PPP3CC: variants seen among roughly 807,000 people sequenced by gnomAD.
The protein encoded by PPP3CC is serine/threonine-protein phosphatase 2B catalytic subunit gamma isoform.
In PPP3CC, 35 loss-of-function variants were observed where a neutral mutation model predicts 60.3. The observed-to-expected ratio is 0.58, with a 90% CI of 0.44 to 0.77. The LOEUF (loss-of-function observed/expected upper bound fraction) is 0.77, where lower values mean the gene tolerates loss of function less well. Among genes scored for constraint, PPP3CC ranks in the 30% least tolerant of loss-of-function variants. The probability of loss-of-function intolerance (pLI) is 0.00; values close to 1 mark genes in which losing one functional copy is unlikely to be tolerated. For missense variants in PPP3CC, 570 were observed against 628.9 expected (o/e 0.91, Z 1.00); for synonymous variants, 206 against 224.3 (o/e 0.92, Z 0.73).
intron 4 of PPP3CC, among the ~76,000 whole-genome samples, chr8:22,504,673 A>G (rs1838858782): frequency 6.6e-6 from 1 of 152,038 alleles, no homozygotes; most frequent in Non-Finnish European, 1.5e-5. Context: ...AGAAAGCAAG[A>G]AACATAGTGC....
At chr8:22,498,751 A>G (rs1838667476) in intron 4 of PPP3CC, among the ~76,000 whole-genome samples, 1 of 152,244 alleles carries the variant, frequency 6.6e-6, no homozygotes, top group Non-Finnish European at 1.5e-5. Context: ...TATGTAGCCA[A>G]TTTAGTAACA....
chr8:22,533,589 C>T (rs1461724968), intron 12 of PPP3CC, among the ~76,000 whole-genome samples: 1 of 152,152 alleles, frequency 6.6e-6, no homozygotes. Context: ...CTTTGGGAGG[C>T]CGAGGCGGGC....
chr8:22,443,909 T>C (rs1228934944), intron 1 of PPP3CC, among the ~76,000 whole-genome samples: 8 of 152,342 alleles, frequency 5.3e-5, no homozygotes, highest in African/African-American at 1.7e-4. Flanking sequence ...TAGTCACAGC[T>C]GTCTGCATTT....
intron 3 of PPP3CC, among the ~76,000 whole-genome samples, chr8:22,478,551 C>G (rs907402050): frequency 1.3e-5 from 2 of 152,178 alleles, no homozygotes; most frequent in African/African-American, 4.8e-5. Context: ...TTAATACATT[C>G]AATAAAGCAC....
At chr8:22,525,542 C>CTTT (rs1491096135) in intron 8 of PPP3CC, among the ~76,000 whole-genome samples, 6 of 54,968 alleles carry the variant, frequency 1.1e-4, no homozygotes, top group South Asian at 6.2e-4. Flanking sequence ...TTCTTTCTCT[C>CTTT]CCTCTCTCTC....
At chr8:22,457,138 T>C (rs1279933299) in intron 1 of PPP3CC, among the ~76,000 whole-genome samples, 1 of 148,170 alleles carries the variant, frequency 6.7e-6, no homozygotes, top group Admixed American at 6.8e-5. Context: ...TATTCTGTAA[T>C]ATTGAAATAT....
intron 3 of PPP3CC, among the ~76,000 whole-genome samples, chr8:22,490,717 C>T (rs567670097): frequency 3.1e-4 from 46 of 149,266 alleles, no homozygotes; most frequent in African/African-American, 1.1e-3. Flanking sequence ...GTTTTTTTGT[C>T]CTTGCGATAG....
At chr8:22,530,185 G>A (rs945825950) in intron 10 of PPP3CC, among the ~76,000 whole-genome samples, 4 of 152,206 alleles carry the variant, frequency 2.6e-5, no homozygotes, top group African/African-American at 7.2e-5. Context: ...TGGTATAGGA[G>A]ATGACTACAA....
At chr8:22,459,348 G>A (rs952813684) in intron 1 of PPP3CC, among the ~76,000 whole-genome samples, 4 of 152,044 alleles carry the variant, frequency 2.6e-5, no homozygotes, top group Admixed American at 2.0e-4. Flanking sequence ...GTTATAATTT[G>A]TAACTAACAA....
chr8:22,528,839 G>A (rs1839629882), intron 10 of PPP3CC, among the ~76,000 whole-genome samples: 1 of 152,252 alleles, frequency 6.6e-6, no homozygotes, highest in Non-Finnish European at 1.5e-5. Context: ...GCTTTCCTCT[G>A]TAGTACACTA....
At chr8:22,510,435 A>G (rs1034298845) in intron 4 of PPP3CC, among the ~76,000 whole-genome samples, 3 of 152,220 alleles carry the variant, frequency 2.0e-5, no homozygotes, top group Non-Finnish European at 2.9e-5. Context: ...TTCCACTTAT[A>G]TATCTTCAAC....
At chr8:22,487,015 C>T (rs929698221) in intron 3 of PPP3CC, among the ~76,000 whole-genome samples, 2 of 152,106 alleles carry the variant, frequency 1.3e-5, no homozygotes, top group African/African-American at 4.8e-5. Context: ...CAGGCATGAG[C>T]CACCGCGCCC....
At chr8:22,477,841 A>G (rs1312937936) in intron 3 of PPP3CC, among the ~76,000 whole-genome samples, 1 of 151,656 alleles carries the variant, frequency 6.6e-6, no homozygotes, top group Non-Finnish European at 1.5e-5. Flanking sequence ...TAAAATATTT[A>G]TTTATTTATT....
intron 6 of PPP3CC, among the ~76,000 whole-genome samples, chr8:22,516,293 C>A (rs902517623): frequency 1.3e-5 from 2 of 152,158 alleles, no homozygotes; most frequent in African/African-American, 4.8e-5. Flanking sequence ...GTGATGAAAT[C>A]ATTTAACTTT....
intron 3 of PPP3CC, among the ~76,000 whole-genome samples, chr8:22,478,607 A>G (rs1051431468): frequency 6.6e-6 from 1 of 152,222 alleles, no homozygotes; most frequent in South Asian, 2.1e-4. Context: ...TCATGTTCAG[A>G]ATATTTTGTG....
intron 1 of PPP3CC, among the ~76,000 whole-genome samples, chr8:22,473,420 T>G (rs1837789897): frequency 1.3e-5 from 2 of 152,116 alleles, no homozygotes; most frequent in African/African-American, 4.8e-5. Flanking sequence ...CTGAAGGTAG[T>G]TATTAGCATT....
chr8:22,514,698 TTTC>T (rs1269417045), intron 6 of PPP3CC, among the ~76,000 whole-genome samples: 1 of 114,068 alleles, frequency 8.8e-6, no homozygotes. Flanking sequence ...TTTTTTTTTT[TTTC>T]CTTTTTTGAG....
chr8:22,464,969 A>G (rs1586800110), intron 1 of PPP3CC, among the ~76,000 whole-genome samples: 1 of 136,704 alleles, frequency 7.3e-6, no homozygotes, highest in East Asian at 2.1e-4. Context: ...GAGACATTAG[A>G]CTCTCCCTTT....
At chr8:22,485,531 G>A (rs1563725586) in intron 3 of PPP3CC, among the ~76,000 whole-genome samples, 2 of 152,106 alleles carry the variant, frequency 1.3e-5, no homozygotes, top group South Asian at 2.1e-4. Context: ...ACTCACTAAG[G>A]GAAAAAGAGG....
Sources: allele counts gnomAD v4.1 joint callset (sites outside exome capture counted in the v4.1 genomes callset), GRCh38; gene constraint gnomAD v4.1.1; transcripts MANE v1.5; gene names NCBI Gene and HGNC (gene_info 2026-07-23, HGNC 2026-07-21).